Variants in MYO1E observed in about 807,000 individuals in gnomAD.
MYO1E encodes the protein myosin IE, also known as unconventional myosin-Ie.
MYO1E carries 68 observed loss-of-function variants against 151.1 expected under a neutral mutation model. The observed-to-expected ratio is 0.45, with a 90% CI of 0.37 to 0.55. The LOEUF (loss-of-function observed/expected upper bound fraction) is 0.55. Ranked by LOEUF, MYO1E falls within the 20% of genes least tolerant of loss-of-function variation. MYO1E has a pLI of 0.00. For missense variants in MYO1E, 1,363 were observed against 1,389.3 expected (o/e 0.98, Z 0.30); for synonymous variants, 601 against 501.7 (o/e 1.20, Z -2.64).
chr15:59,273,181 A>G lies in MYO1E; in HGVS notation c.4-732T>C, dbSNP rs185232658. On this transcript the variant is annotated intron_variant, in intron 1 of 27. Transcript: ENST00000288235. ...ATCCCCGCATGGCCCCCTTGGGTAG[A>G]TGAAGCTGTGGCCCTCATCTACGTC... Among the ~76,000 whole-genome samples the G allele has an allele frequency of 3.9e-5, 6 of 152,322 alleles. No individual in the cohort carries two copies. The East Asian group carries it at 9.6e-4, about 24-fold the overall frequency.
At chr15:59,161,042 G>A (rs1596346655) in intron 24 of MYO1E, 31 bp downstream of exon 24, 2 of 1,612,188 alleles carry the variant, frequency 1.2e-6, no homozygotes, top group African/African-American at 1.3e-5. Context: ...AGCGGCGGCA[G>A]TTCTGCCTGC....
At chr15:59,341,926 G>C (rs1219879635) in intron 1 of MYO1E, among the ~76,000 whole-genome samples, 1 of 152,168 alleles carries the variant, frequency 6.6e-6, no homozygotes, top group Non-Finnish European at 1.5e-5. Flanking sequence ...TCTGTTTTTA[G>C]TTTTTAAGGA....
At chr15:59,156,130 G>A (rs2079508320) in intron 25 of MYO1E, among the ~76,000 whole-genome samples, 1 of 152,026 alleles carries the variant, frequency 6.6e-6, no homozygotes, top group South Asian at 2.1e-4. Context: ...CTGAGTAGCT[G>A]GGATTCCAGG....
chr15:59,174,487 G>A (rs1261954829), intron 19 of MYO1E, among the ~76,000 whole-genome samples: 3 of 152,148 alleles, frequency 2.0e-5, no homozygotes, highest in African/African-American at 7.2e-5. Flanking sequence ...AGTGTATTCA[G>A]TTAGACCTTG....
At chr15:59,236,119 A>T (rs763594398) in intron 5 of MYO1E, among the ~76,000 whole-genome samples, 9 of 152,070 alleles carry the variant, frequency 5.9e-5, no homozygotes, top group Non-Finnish European at 1.3e-4. Flanking sequence ...AGGAGGGCAG[A>T]TCACCTGAGG....
chr15:59,140,102 G>C (rs1455936168), intron 26 of MYO1E, among the ~76,000 whole-genome samples: 2 of 152,030 alleles, frequency 1.3e-5, no homozygotes, highest in Non-Finnish European at 2.9e-5. Flanking sequence ...GGGTGGGTGC[G>C]GGAGGCTGTC....
chr15:59,298,218 A>G (rs544979540), intron 1 of MYO1E, among the ~76,000 whole-genome samples: 1 of 152,214 alleles, frequency 6.6e-6, no homozygotes, highest in African/African-American at 2.4e-5. Context: ...AAAAATTTAC[A>G]TTTACAAATC....
At chr15:59,269,784 C>T (rs1372252879) in intron 2 of MYO1E, among the ~76,000 whole-genome samples, 5 of 151,674 alleles carry the variant, frequency 3.3e-5, no homozygotes, top group African/African-American at 9.7e-5. Flanking sequence ...ATCTGGGAGG[C>T]GAAGGTTGCA....
chr15:59,271,617 A>AT (rs577818255), intron 2 of MYO1E, among the ~76,000 whole-genome samples: 155 of 152,360 alleles, frequency 1.0e-3, no homozygotes, highest in Middle Eastern at 6.8e-3. Flanking sequence ...TTAAAGCCCC[A>AT]TAAAAAATGG....
chr15:59,296,423 C>T (rs1230707441), intron 1 of MYO1E, among the ~76,000 whole-genome samples: 1 of 152,186 alleles, frequency 6.6e-6, no homozygotes, highest in Non-Finnish European at 1.5e-5. Context: ...CCTCAATTTG[C>T]GGCCACCATT....
intron 2 of MYO1E, among the ~76,000 whole-genome samples, chr15:59,267,516 G>A (rs952042269): frequency 6.6e-6 from 1 of 152,132 alleles, no homozygotes; most frequent in East Asian, 1.9e-4. Context: ...ATAGCATGCT[G>A]CCCCTCCAGT....
chr15:59,286,395 A>G (rs1358852540), intron 1 of MYO1E, among the ~76,000 whole-genome samples: 1 of 152,216 alleles, frequency 6.6e-6, no homozygotes, highest in African/African-American at 2.4e-5. Flanking sequence ...TCAATTTTTA[A>G]AAGTTTTATA....
At chr15:59,294,044 A>G (rs1367776150) in intron 1 of MYO1E, among the ~76,000 whole-genome samples, 1 of 152,248 alleles carries the variant, frequency 6.6e-6, no homozygotes, top group Non-Finnish European at 1.5e-5. Flanking sequence ...CCTGTCTCAA[A>G]CAAAACAAAA....
intron 10 of MYO1E, among the ~76,000 whole-genome samples, chr15:59,215,881 C>A (rs78079546): frequency 0.037 from 5,584 of 152,196 alleles, 258 homozygotes; most frequent in East Asian, 0.19. Context: ...GGCTGCACCA[C>A]CCCCTTGCTG....
At chr15:59,364,311 T>C (rs1355353412) in intron 1 of MYO1E, among the ~76,000 whole-genome samples, 3 of 152,144 alleles carry the variant, frequency 2.0e-5, no homozygotes, top group African/African-American at 7.2e-5. Context: ...CCTGGGAATG[T>C]GGAGTATGCA....
Position 59,207,215 on chromosome 15 carries a change from G to T in MYO1E, c.1530+1466C>A, listed in dbSNP as rs1332595290. The T allele has an allele frequency of 3.1e-6, 5 of 1,614,120 alleles. No homozygotes were observed. In the African/African-American group the frequency reaches 6.7e-5, roughly 22 times the overall value. On this transcript the variant is annotated intron_variant, in intron 14 of 27. Transcript: ENST00000288235. The stretch of plus-strand genomic sequence containing the variant: ...TGCGCTATCAGCATCTTATTAAAAG[G>T]CTTGAGTGATGAACTTGCCCTTGTG...
chr15:59,242,724 C>T (rs544199672), intron 4 of MYO1E, among the ~76,000 whole-genome samples: 2 of 152,162 alleles, frequency 1.3e-5, no homozygotes, highest in South Asian at 4.2e-4. Context: ...AATACACATC[C>T]TAAAAGAAAA....
intron 5 of MYO1E, 113 bp from the exon 6 acceptor site, chr15:59,231,904 C>T (rs2080030789): frequency 3.1e-6 from 3 of 965,418 alleles, no homozygotes; most frequent in Non-Finnish European, 3.3e-6. Context: ...AGGGGCCCCA[C>T]ACCCGTGTGT....
chr15:59,176,217 C>A (rs749134474), intron 19 of MYO1E, among the ~76,000 whole-genome samples: 3 of 152,072 alleles, frequency 2.0e-5, no homozygotes, highest in Non-Finnish European at 4.4e-5. Context: ...CGCCACCATG[C>A]CCGGCTAATT....
Sources: allele counts gnomAD v4.1 joint callset (sites outside exome capture counted in the v4.1 genomes callset), GRCh38; gene constraint gnomAD v4.1.1; transcripts MANE v1.5; gene names NCBI Gene and HGNC (gene_info 2026-07-23, HGNC 2026-07-21).